ZNG1E: variants seen among roughly 807,000 people sequenced by gnomAD.
The protein encoded by ZNG1E is Zn regulated GTPase metalloprotein activator 1E.
chr9:65,672,298 T>A, the ZNG1E span, among the ~76,000 whole-genome samples: 1 of 152,084 alleles, frequency 6.6e-6, no homozygotes, highest in Non-Finnish European at 1.5e-5. Flanking sequence ...CTAAAGTAAA[T>A]GAGACAAAAT....
At chr9:65,654,990 CAA>C in the ZNG1E span, among the ~76,000 whole-genome samples, 4 of 152,260 alleles carry the variant, frequency 2.6e-5, no homozygotes. Context: ...CTTGATAGGG[CAA>C]AGAGGATTCT....
chr9:65,728,474 G>A, the ZNG1E span, among the ~76,000 whole-genome samples: 1,461 of 148,648 alleles, frequency 9.8e-3, 71 homozygotes, highest in African/African-American at 0.035. Context: ...TTGATAGACC[G>A]TTAGCAAGAT....
the ZNG1E span, among the ~76,000 whole-genome samples, chr9:65,664,461 T>C: frequency 9.0e-6 from 1 of 110,504 alleles, no homozygotes; most frequent in Non-Finnish European, 1.8e-5. Context: ...CCTGTCTGGT[T>C]CCATGTGAGA....
the ZNG1E span, among the ~76,000 whole-genome samples, chr9:65,714,676 G>T: frequency 6.6e-6 from 1 of 152,050 alleles, no homozygotes; most frequent in East Asian, 1.9e-4. Flanking sequence ...GCTAGGGGGT[G>T]CCTCCCAGTT....
the ZNG1E span, among the ~76,000 whole-genome samples, chr9:65,715,005 C>T: frequency 5.4e-5 from 8 of 149,446 alleles, no homozygotes; most frequent in East Asian, 5.8e-4. Context: ...GCCTCGCTGC[C>T]GCCTTGCAGT....
At chr9:65,714,523 T>A in the ZNG1E span, among the ~76,000 whole-genome samples, 2 of 151,692 alleles carry the variant, frequency 1.3e-5, no homozygotes, top group Non-Finnish European at 2.9e-5. Context: ...TTTCATCTAC[T>A]TTTGGTCTTT....
chr9:65,676,500 C>T, the ZNG1E span, among the ~76,000 whole-genome samples: 3 of 146,460 alleles, frequency 2.0e-5, no homozygotes, highest in African/African-American at 8.0e-5. Flanking sequence ...GAAATAGGGC[C>T]GGAACAACCT....
chr9:65,658,531 A>C, the ZNG1E span, among the ~76,000 whole-genome samples: 6,489 of 125,604 alleles, frequency 0.052, no homozygotes, highest in East Asian at 0.13. Flanking sequence ...AAAATAATTC[A>C]AGAAAATCCA....
the ZNG1E span, among the ~76,000 whole-genome samples, chr9:65,684,554 A>ACGCACACGCACG: frequency 3.4e-5 from 5 of 145,098 alleles, no homozygotes; most frequent in African/African-American, 1.3e-4. Flanking sequence ...ACGCACGCAC[A>ACGCACACGCACG]CACACACACA....
At chr9:65,666,806 A>G in the ZNG1E span, among the ~76,000 whole-genome samples, 1 of 151,734 alleles carries the variant, frequency 6.6e-6, no homozygotes, top group Non-Finnish European at 1.5e-5. Flanking sequence ...TCTGCTTACT[A>G]ACAGTTTCTT....
At chr9:65,732,916 T>C in the ZNG1E span, 1 of 1,607,122 alleles carries the variant, frequency 6.2e-7, no homozygotes, top group Non-Finnish European at 8.5e-7. Context: ...AATTAATCCA[T>C]TAACATTGAT....
At chr9:65,683,743 A>G in the ZNG1E span, among the ~76,000 whole-genome samples, 1 of 152,222 alleles carries the variant, frequency 6.6e-6, no homozygotes, top group Non-Finnish European at 1.5e-5. Flanking sequence ...TTGTACTTAA[A>G]ACAATTACGT....
chr9:65,732,802 T>A, the ZNG1E span: 2 of 1,435,126 alleles, frequency 1.4e-6, no homozygotes, highest in Admixed American at 5.8e-5. Context: ...CAGAAACCTT[T>A]TTTGAAAATT....
the ZNG1E span, among the ~76,000 whole-genome samples, chr9:65,693,804 G>C: frequency 6.6e-6 from 1 of 151,844 alleles, no homozygotes; most frequent in African/African-American, 2.4e-5. Context: ...TGATCCACTT[G>C]CCTCAGCCTC....
the ZNG1E span, among the ~76,000 whole-genome samples, chr9:65,662,350 A>G: frequency 3.9e-5 from 6 of 152,370 alleles, no homozygotes; most frequent in African/African-American, 1.4e-4. Context: ...ATTCTGGATT[A>G]GGTCTTGGCC....
At chr9:65,658,034 G>A in the ZNG1E span, among the ~76,000 whole-genome samples, 2 of 152,166 alleles carry the variant, frequency 1.3e-5, no homozygotes, top group Admixed American at 6.6e-5. Context: ...GGGAGGCGGA[G>A]GTTGCAGTGA....
chr9:65,688,200 TAA>T, the ZNG1E span, among the ~76,000 whole-genome samples: 1 of 144,924 alleles, frequency 6.9e-6, no homozygotes, highest in African/African-American at 2.5e-5. Flanking sequence ...ATTAATTGGT[TAA>T]GTCAATAATT....
the ZNG1E span, chr9:65,732,685 A>G: frequency 7.9e-7 from 1 of 1,273,010 alleles, no homozygotes; most frequent in African/African-American, 1.6e-5. Context: ...ATATTTCATC[A>G]TTTTGTTTCA....
chr9:65,677,567 G>A, the ZNG1E span, among the ~76,000 whole-genome samples: 3 of 152,274 alleles, frequency 2.0e-5, no homozygotes, highest in South Asian at 6.2e-4. Context: ...CAACCATTTG[G>A]AATACTCCAA....
Sources: gnomAD v4.1 joint callset for allele counts (sites outside exome capture counted in the v4.1 genomes callset) on GRCh38, gnomAD v4.1.1 for gene constraint, MANE v1.5 for transcripts, NCBI Gene and HGNC (gene_info 2026-07-23, HGNC 2026-07-21) for gene names.